KAT2B: variants seen among roughly 807,000 people sequenced by gnomAD.
KAT2B encodes the protein histone acetyltransferase KAT2B.
KAT2B carries 36 observed loss-of-function variants against 105.9 expected under a neutral mutation model. The observed-to-expected ratio is 0.34, with a 90% CI of 0.26 to 0.45. The LOEUF is 0.45. Among genes scored for constraint, KAT2B ranks in the 20% least tolerant of loss-of-function variants. The pLI is 1.00. For synonymous variants in KAT2B, 397 were observed against 377.9 expected, an observed-to-expected ratio of 1.05 and a Z score of -0.59; for missense variants, 820 against 1,021.6, an observed-to-expected ratio of 0.80 and a Z score of 2.69.
chr3:20,040,827 GC>G (rs1376318608), intron 1 of KAT2B, 47 bp downstream of exon 1: 28 of 1,527,562 alleles, frequency 1.8e-5, no homozygotes, highest in African/African-American at 2.8e-5. Flanking sequence ...TAGGGGCCCA[GC>G]CCGCGGGACC....
At chr3:20,136,132 C>CTTTAGAAAAA (rs1210415855) in intron 11 of KAT2B, among the ~76,000 whole-genome samples, 4 of 152,122 alleles carry the variant, frequency 2.6e-5, no homozygotes, top group Non-Finnish European at 5.9e-5. Context: ...TATTTGAGTT[C>CTTTAGAAAAA]TTTAGAAAAA....
At chr3:20,095,901 A>T (rs1479655517) in intron 3 of KAT2B, among the ~76,000 whole-genome samples, 3 of 152,210 alleles carry the variant, frequency 2.0e-5, no homozygotes, top group Non-Finnish European at 4.4e-5. Context: ...GGGACATGCC[A>T]GCGAGGAAGG....
intron 1 of KAT2B, among the ~76,000 whole-genome samples, chr3:20,055,038 G>C (rs1163532758): frequency 3.3e-5 from 5 of 152,020 alleles, no homozygotes; most frequent in African/African-American, 1.2e-4. Context: ...TGTGAGCCAG[G>C]GGGAGGTGAA....
intron 2 of KAT2B, among the ~76,000 whole-genome samples, chr3:20,078,556 C>G (rs575623433): frequency 8.0e-5 from 12 of 150,120 alleles, no homozygotes; most frequent in Non-Finnish European, 1.8e-4. Flanking sequence ...TTTTTTGTAT[C>G]TTTGGTAGAG....
At chr3:20,091,855 T>C (rs969588609) in intron 2 of KAT2B, among the ~76,000 whole-genome samples, 1 of 152,216 alleles carries the variant, frequency 6.6e-6, no homozygotes, top group Non-Finnish European at 1.5e-5. Flanking sequence ...ATTGCGGTTT[T>C]TGCCATTGAA....
intron 1 of KAT2B, among the ~76,000 whole-genome samples, chr3:20,069,775 C>A (rs2686323): frequency 1.3e-5 from 2 of 151,822 alleles, no homozygotes; most frequent in Admixed American, 6.6e-5. Context: ...ATGATCCACC[C>A]GCCTTGGCCT....
In KAT2B at chr3:20,079,309, A is replaced by G. The variant is rs1038294268; in HGVS notation, c.430+6850A>G. Among the ~76,000 whole-genome samples the G allele has an allele frequency of 6.1e-5, 9 of 147,302 alleles. No individual in the cohort carries two copies. In the East Asian group the frequency reaches 1.8e-3, roughly 29 times the overall value. On this transcript the variant is annotated intron_variant, in intron 2 of 17. Coordinates refer to ENST00000263754, the MANE Select transcript of KAT2B (RefSeq NM_003884.5). ...AACTTCTGCCTCCCAGGTTCAAGCT[A>G]TTCTCCTGCTTCAGCCTCCCAAGTA...
At chr3:20,135,526 C>G (rs1411595594) in intron 11 of KAT2B, among the ~76,000 whole-genome samples, 2 of 151,938 alleles carry the variant, frequency 1.3e-5, no homozygotes, top group Non-Finnish European at 2.9e-5. Flanking sequence ...TGGTGGCGGG[C>G]ACCTGTAGTC....
At chr3:20,094,905 C>G (rs1344573430) in intron 2 of KAT2B, among the ~76,000 whole-genome samples, 1 of 152,138 alleles carries the variant, frequency 6.6e-6, no homozygotes, top group African/African-American at 2.4e-5. Flanking sequence ...ATAGAGAACC[C>G]TCTTGACATG....
intron 1 of KAT2B, among the ~76,000 whole-genome samples, chr3:20,058,484 G>A (rs1698041110): frequency 6.9e-6 from 1 of 145,288 alleles, no homozygotes; most frequent in Non-Finnish European, 1.5e-5. Context: ...AAGGTTTTCA[G>A]AGATGCTTCT....
In KAT2B at chr3:20,152,594, T is replaced by A; in HGVS notation, c.*69T>A. On this transcript the variant is annotated 3_prime_UTR_variant, in exon 18 of 18. Transcript: ENST00000263754. ...CCTAAAGCAAGGTGGTTTAGTTTTT[T>A]ACAAAGAATTGGACATGATGTATTG... 7.8e-7 allele frequency: 1 copy of A among 1,279,078 alleles called. No homozygotes were observed. Among genetic ancestry groups the A allele is most frequent in the African/African-American group, 1.5e-5 (1 of 67,302 alleles). The allele number at this position is 1,279,078 out of a possible 1,614,324, so 79.2% of individuals were successfully genotyped here. A position where few individuals can be genotyped will look rare whatever the true frequency, so the allele number is the denominator to read the frequency against.
rs1158877760 is a variant in KAT2B at position 20,152,344 on chromosome 3, T to C, written c.2318T>C (p.Met773Thr). 1 of 1,612,514 alleles carries C rather than the reference T, an allele frequency of 6.2e-7. No individual in the cohort carries two copies. The highest frequency in any genetic ancestry group is 8.5e-7 in the Non-Finnish European group (1 of 1,179,082). The change falls in exon 18 of 18, where the codon ATG (methionine) becomes ACG (threonine). Residue 773 changes from methionine to threonine, a missense_variant. By Grantham distance (81) the Met-to-Thr change is moderately conservative. Around this residue, in one of 6 missense-constraint regions of KAT2B, gnomAD observed 227 missense variants for 292.9 expected, o/e 0.77. Coordinates refer to ENST00000263754, the MANE Select transcript of KAT2B (RefSeq NM_003884.5). ...VIRFPMDLKT[M>T]SERLKNRYYV... is the part of the protein sequence containing the mutation. ...TTTTCCTGTGCAGATCTGAAAACCA[T>C]GAGTGAACGCCTCAAGAATAGGTAC...
chr3:20,099,486 GT>G (rs1181169478), intron 3 of KAT2B, among the ~76,000 whole-genome samples: 2 of 152,190 alleles, frequency 1.3e-5, no homozygotes, highest in Non-Finnish European at 2.9e-5. Context: ...AGTGTGTAGG[GT>G]TGCATACCAG....
chr3:20,053,820 A>G (rs1407957098), intron 1 of KAT2B, among the ~76,000 whole-genome samples: 1 of 151,626 alleles, frequency 6.6e-6, no homozygotes, highest in Admixed American at 6.6e-5. Flanking sequence ...TTTTTTTGAG[A>G]TGGAGTCTCA....
At chr3:20,050,839 T>C (rs1279150481) in intron 1 of KAT2B, among the ~76,000 whole-genome samples, 1 of 151,810 alleles carries the variant, frequency 6.6e-6, no homozygotes, top group African/African-American at 2.4e-5. Flanking sequence ...ACTAAGCTTT[T>C]GAAAGAAAGG....
At chr3:20,129,971 A>AATTATTATTATT (rs143451150) in intron 11 of KAT2B, among the ~76,000 whole-genome samples, 2 of 150,814 alleles carry the variant, frequency 1.3e-5, no homozygotes, top group African/African-American at 4.9e-5. Context: ...CATTTTTTAA[A>AATTATTATTATT]ATTATTATTA....
At chr3:20,092,235 A>ATTTATTTATTTATTTATTT (rs1553588257) in intron 2 of KAT2B, among the ~76,000 whole-genome samples, 51 of 103,706 alleles carry the variant, frequency 4.9e-4, no homozygotes, top group South Asian at 7.2e-4. Context: ...TTATTTATTT[A>ATTTATTTATTTATTTATTT]TTTATTTATT....
chr3:20,118,704 C>T (rs538041706), intron 7 of KAT2B, among the ~76,000 whole-genome samples: 8 of 107,622 alleles, frequency 7.4e-5, no homozygotes, highest in Admixed American at 3.8e-4. Context: ...CCAGCCTGGG[C>T]GACAAAAGCG....
chr3:20,061,980 AAAAC>A (rs1698115621), intron 1 of KAT2B, among the ~76,000 whole-genome samples: 1 of 92,708 alleles, frequency 1.1e-5, no homozygotes, highest in Admixed American at 1.6e-4. Context: ...TATTATATAT[AAAAC>A]ATATAATATA....
Sources: allele counts gnomAD v4.1 joint callset (sites outside exome capture counted in the v4.1 genomes callset), GRCh38; gene constraint gnomAD v4.1.1; regional missense constraint gnomAD v4.1.1; transcripts MANE v1.5; gene names NCBI Gene and HGNC (gene_info 2026-07-23, HGNC 2026-07-21).